Variants in PAM observed in about 807,000 individuals in gnomAD.
The protein encoded by PAM is peptidyl-glycine alpha-amidating monooxygenase.
A neutral mutation model predicts 122.1 loss-of-function variants in PAM; 72 were observed. The observed-to-expected ratio is 0.59, with a 90% CI of 0.49 to 0.72. PAM has a LOEUF of 0.72. Ranked by LOEUF, PAM falls within the 30% of genes least tolerant of loss-of-function variation. The pLI, the probability that PAM is intolerant of heterozygous loss-of-function variation, is 0.00. For synonymous variants in PAM, 389 were observed against 404.4 expected, an observed-to-expected ratio of 0.96 and a Z score of 0.46; for missense variants, 1,106 against 1,183.7, an observed-to-expected ratio of 0.93 and a Z score of 0.96.
At position 102,865,952 on chromosome 5, in the gene PAM, TCCGCCTGCGGGCCGGACAAAAGTC is replaced by T. The variant is rs964385519; in HGVS notation, c.-235_-212del. 6 of 426,484 alleles carry T rather than the reference TCCGCCTGCGGGCCGGACAAAAGTC, an allele frequency of 1.4e-5. No homozygotes were observed. The highest frequency in any genetic ancestry group is 2.0e-5 in the Non-Finnish European group (5 of 244,512). 26.4% of individuals were successfully genotyped at this position (426,484 alleles called of 1,614,324 possible). A position where few individuals can be genotyped will look rare whatever the true frequency, so the allele number is the denominator to read the frequency against. The stretch of plus-strand genomic sequence containing the variant: ...GAGCGGCGCTGGAGGGAGGAAAGCT[TCCGCCTGCGGGCCGGACAAAAGTC>T]CCGCCTGCCCACGGCTTTTTGCCCG... On this transcript the variant is annotated 5_prime_UTR_variant, in exon 2 of 26. Coordinates refer to ENST00000438793, the MANE Select transcript of PAM (RefSeq NM_001177306.2).
chr5:102,758,067 A>G (rs1751033201), intron 1 of PAM, among the ~76,000 whole-genome samples: 1 of 98,026 alleles, frequency 1.0e-5, no homozygotes, highest in African/African-American at 4.0e-5. Context: ...AAAGACTTAG[A>G]ATTTTGTTTT....
Position 103,007,586 on chromosome 5 carries a change from C to T in PAM, c.2144C>T (p.Thr715Ile). The change falls in exon 20 of 26, where the codon ACC (threonine) becomes ATC (isoleucine). Residue 715 changes from threonine (T) to isoleucine (I), a missense_variant. By Grantham distance (89) the Thr-to-Ile change is moderately conservative. Around this residue, in one of 3 missense-constraint regions of PAM, gnomAD observed 333 missense variants for 335.6 expected, o/e 0.99. Transcript: ENST00000438793. ...NGRIQCFKTD[T>I]KEFVREIKHS... ...CGGATCCAGTGTTTTAAAACTGACA[C>T]CAAAGAATTTGTGAGAGAGATTAAG... 2 of 1,613,622 alleles carry T rather than the reference C, an allele frequency of 1.2e-6. No individual in the cohort carries two copies. The highest frequency in any genetic ancestry group is 1.7e-6 in the Non-Finnish European group (2 of 1,179,702).
At chr5:103,023,257 A>G (rs1382246182) in intron 23 of PAM, among the ~76,000 whole-genome samples, 1 of 152,088 alleles carries the variant, frequency 6.6e-6, no homozygotes, top group East Asian at 1.9e-4. Context: ...GAAACTAGAT[A>G]TGACCTAGTA....
intron 7 of PAM, among the ~76,000 whole-genome samples, chr5:102,927,997 C>T (rs546623063): frequency 6.6e-6 from 1 of 152,236 alleles, no homozygotes; most frequent in South Asian, 2.1e-4. Flanking sequence ...CAGAGATTAT[C>T]TGCTCTAAAA....
At chr5:102,775,015 C>T (rs1352643431) in intron 1 of PAM, among the ~76,000 whole-genome samples, 1 of 151,850 alleles carries the variant, frequency 6.6e-6, no homozygotes, top group Non-Finnish European at 1.5e-5. Context: ...TGTAATTTCA[C>T]ATTTTATGCT....
At chr5:102,797,643 T>C (rs757626410) in intron 1 of PAM, among the ~76,000 whole-genome samples, 4 of 152,176 alleles carry the variant, frequency 2.6e-5, no homozygotes, top group South Asian at 2.1e-4. Flanking sequence ...GATAGAGATA[T>C]GTCATTTTGG....
intron 3 of PAM, among the ~76,000 whole-genome samples, chr5:102,897,033 T>A (rs577031557): frequency 7.9e-5 from 12 of 151,722 alleles, no homozygotes; most frequent in African/African-American, 2.2e-4. Context: ...TTGGATCACA[T>A]AAAATAAAAC....
intron 15 of PAM, chr5:102,987,483 T>G (rs908936736): frequency 2.7e-5 from 12 of 447,254 alleles, no homozygotes; most frequent in Admixed American, 1.2e-4. Context: ...AGGGTAAATA[T>G]AGTTAACAAC....
intron 15 of PAM, 119 bp from the exon 16 acceptor site, chr5:102,990,152 CT>C (rs1158774927): frequency 6.0e-6 from 4 of 670,434 alleles, no homozygotes; most frequent in Non-Finnish European, 6.9e-6. Flanking sequence ...GCTTGATTGT[CT>C]TTTTTTATTT....
At chr5:102,801,960 A>G (rs1052860091) in intron 1 of PAM, among the ~76,000 whole-genome samples, 13 of 150,348 alleles carry the variant, frequency 8.6e-5, no homozygotes, top group African/African-American at 2.9e-4. Flanking sequence ...TTGTATTTTT[A>G]GTAGAGACGG....
intron 16 of PAM, among the ~76,000 whole-genome samples, chr5:102,997,009 G>A (rs1775898117): frequency 6.6e-6 from 1 of 152,080 alleles, no homozygotes; most frequent in African/African-American, 2.4e-5. Flanking sequence ...TAGAATTTGT[G>A]TTATCACTGA....
At chr5:102,901,657 G>A (rs1797937571) in intron 4 of PAM, among the ~76,000 whole-genome samples, 2 of 151,626 alleles carry the variant, frequency 1.3e-5, no homozygotes, top group Admixed American at 6.6e-5. Context: ...GTTGATGGCC[G>A]CCAATACTGT....
At chr5:103,007,306 T>A (rs1779328183) in intron 19 of PAM, 151 bp from the exon 20 acceptor site, 1 of 682,706 alleles carries the variant, frequency 1.5e-6, no homozygotes, top group East Asian at 2.5e-5. Context: ...TAAAAGACAT[T>A]ATAAAATAAT....
At chr5:102,904,778 C>T (rs1045448052) in intron 4 of PAM, among the ~76,000 whole-genome samples, 4 of 151,574 alleles carry the variant, frequency 2.6e-5, no homozygotes, top group Non-Finnish European at 4.4e-5. Context: ...CTAGGACAGA[C>T]TCTCTTGATG....
At chr5:102,817,073 C>T (rs976682280) in intron 1 of PAM, among the ~76,000 whole-genome samples, 18 of 152,064 alleles carry the variant, frequency 1.2e-4, no homozygotes, top group African/African-American at 4.3e-4. Context: ...GTTTATTTCT[C>T]ACTCTCACTC....
chr5:102,948,966 C>T (rs968468292), intron 9 of PAM, among the ~76,000 whole-genome samples: 2 of 151,990 alleles, frequency 1.3e-5, no homozygotes, highest in Admixed American at 1.3e-4. Flanking sequence ...TTTTACGATC[C>T]TCTGATGAAA....
At chr5:102,969,487 A>C (rs965422871) in intron 14 of PAM, among the ~76,000 whole-genome samples, 1 of 152,078 alleles carries the variant, frequency 6.6e-6, no homozygotes, top group Non-Finnish European at 1.5e-5. Flanking sequence ...TTTCTGAGGA[A>C]GGAGAAGAGT....
chr5:102,868,696 C>A (rs1223881136), intron 3 of PAM, among the ~76,000 whole-genome samples: 1 of 151,176 alleles, frequency 6.6e-6, no homozygotes, highest in African/African-American at 2.4e-5. Context: ...TTTAAAATAT[C>A]CACTAATTGG....
rs115905424 is a variant in PAM, at chr5:102,885,471, A to T, written c.211-15885A>T. Among the ~76,000 whole-genome samples the T allele has an allele frequency of 6.6e-3, 1,010 of 152,140 alleles. 8 individuals are homozygous for T. Among genetic ancestry groups the T allele is most frequent in the Non-Finnish European group, 0.012 (841 of 67,930 alleles). On this transcript the variant is annotated intron_variant, in intron 3 of 25. Transcript: ENST00000438793. ...TAGTTTCATCTATTTGACTCAGACT[A>T]TGAAGGCAGACACAGTAGATGTAAG...
Sources: allele counts gnomAD v4.1 joint callset (sites outside exome capture counted in the v4.1 genomes callset), GRCh38; gene constraint gnomAD v4.1.1; regional missense constraint gnomAD v4.1.1; transcripts MANE v1.5; gene names NCBI Gene and HGNC (gene_info 2026-07-23, HGNC 2026-07-21).